The following NTM variants were observed in gnomAD, a reference collection of about 807,000 sequenced individuals.
NTM encodes neurotrimin.
Under a neutral mutation model 42.1 loss-of-function variants are expected in NTM, and 13 were observed. That is an observed-to-expected ratio of 0.31 (90% CI 0.20 to 0.49). The LOEUF (loss-of-function observed/expected upper bound fraction) is 0.49. Among genes scored for constraint, NTM ranks in the 20% least tolerant of loss-of-function variants. The pLI is 0.99. For missense variants in NTM, 373 were observed against 452.8 expected, an observed-to-expected ratio of 0.82 and a Z score of 1.60; for synonymous variants, 187 against 179.2, an observed-to-expected ratio of 1.04 and a Z score of -0.35.
intron 2 of NTM, among the ~76,000 whole-genome samples, chr11:132,040,240 C>T (rs1442214752): frequency 2.6e-5 from 4 of 152,154 alleles, no homozygotes; most frequent in African/African-American, 4.8e-5. Flanking sequence ...GGATTACAGA[C>T]GTGAGCCACT....
chr11:132,274,752 G>T (rs2139741367), intron 4 of NTM, among the ~76,000 whole-genome samples: 1 of 152,182 alleles, frequency 6.6e-6, no homozygotes, highest in Non-Finnish European at 1.5e-5. Flanking sequence ...TGAGAAGGAT[G>T]TTTATTGTGC....
intron 2 of NTM, among the ~76,000 whole-genome samples, chr11:132,107,099 A>G (rs190122322): frequency 2.0e-5 from 3 of 152,240 alleles, no homozygotes; most frequent in East Asian, 1.9e-4. Flanking sequence ...CAGGCACTGT[A>G]TTAGCCCTTG....
At chr11:131,863,714 C>T (rs1484373903) in intron 1 of NTM, among the ~76,000 whole-genome samples, 3 of 152,188 alleles carry the variant, frequency 2.0e-5, no homozygotes, top group African/African-American at 7.2e-5. Flanking sequence ...AGCACAGACT[C>T]AGGTCCCTCC....
At chr11:131,667,483 T>C (rs772374526) in intron 1 of NTM, among the ~76,000 whole-genome samples, 1 of 152,176 alleles carries the variant, frequency 6.6e-6, no homozygotes, top group Non-Finnish European at 1.5e-5. Flanking sequence ...TAAGCATTCA[T>C]TGGTGCTCTG....
At chr11:132,233,496 G>A (rs1301403982) in intron 4 of NTM, among the ~76,000 whole-genome samples, 2 of 152,148 alleles carry the variant, frequency 1.3e-5, no homozygotes, top group Non-Finnish European at 2.9e-5. Context: ...TAGCTTGTGG[G>A]CTCACAATGA....
intron 1 of NTM, among the ~76,000 whole-genome samples, chr11:131,877,279 G>T (rs1219928004): frequency 6.6e-6 from 1 of 152,154 alleles, no homozygotes; most frequent in Non-Finnish European, 1.5e-5. Flanking sequence ...GATCTGCATT[G>T]TTCAGTGCCA....
intron 1 of NTM, among the ~76,000 whole-genome samples, chr11:131,416,833 G>A (rs1947008971): frequency 6.6e-6 from 1 of 152,192 alleles, no homozygotes; most frequent in East Asian, 1.9e-4. Flanking sequence ...TGGGAGGAAT[G>A]TTAGCAGAGA....
At position 132,266,772 on chromosome 11, in the gene NTM, G is replaced by A. The variant is rs147917715; in HGVS notation, c.527-40917G>A. 2.9e-3 allele frequency among the ~76,000 whole-genome samples: 446 copies of A among 152,318 alleles called. 4 individuals are homozygous for A. The highest frequency in any genetic ancestry group is 5.8e-3 in the South Asian group (28 of 4,822). On this transcript the variant is annotated intron_variant, in intron 4 of 8. Transcript: ENST00000683400. The stretch of plus-strand genomic sequence containing the variant: ...TTTGGGTCTGGTGGAAGGAGTTTCA[G>A]AGAGGAAAAGCTGTGAATGTGTGTG...
intron 2 of NTM, among the ~76,000 whole-genome samples, chr11:132,043,024 C>G (rs1005391731): frequency 6.6e-6 from 1 of 152,064 alleles, no homozygotes; most frequent in Non-Finnish European, 1.5e-5. Context: ...TATGAAGAGG[C>G]CTTGATTAAA....
chr11:132,124,509 C>T (rs1014695288), intron 2 of NTM, among the ~76,000 whole-genome samples: 10 of 152,254 alleles, frequency 6.6e-5, no homozygotes, highest in Non-Finnish European at 1.2e-4. Flanking sequence ...TCTGCCTCCC[C>T]ATTTCTACCC....
chr11:131,515,309 A>G (rs912273375), intron 1 of NTM, among the ~76,000 whole-genome samples: 2 of 152,278 alleles, frequency 1.3e-5, no homozygotes, highest in East Asian at 1.9e-4. Flanking sequence ...GTGCTTGTCA[A>G]TTACCTAGAG....
At chr11:132,257,488 G>T (rs765904333) in intron 4 of NTM, among the ~76,000 whole-genome samples, 19 of 152,220 alleles carry the variant, frequency 1.2e-4, no homozygotes, top group Non-Finnish European at 2.6e-4. Context: ...ATCCCGGGAA[G>T]CTGGAGCGGG....
At chr11:131,484,937 C>T (rs1953999961) in intron 1 of NTM, among the ~76,000 whole-genome samples, 3 of 152,160 alleles carry the variant, frequency 2.0e-5, no homozygotes, top group Admixed American at 2.0e-4. Flanking sequence ...TTCCACCAAA[C>T]CCCTCCTTGC....
intron 1 of NTM, among the ~76,000 whole-genome samples, chr11:131,571,717 A>G (rs1286732017): frequency 6.6e-6 from 1 of 152,228 alleles, no homozygotes; most frequent in Non-Finnish European, 1.5e-5. Flanking sequence ...AAGACAAAAG[A>G]GATGTCGGAT....
At chr11:132,059,950 G>A (rs751892046) in intron 2 of NTM, among the ~76,000 whole-genome samples, 14 of 152,030 alleles carry the variant, frequency 9.2e-5, no homozygotes, top group Non-Finnish European at 2.1e-4. Flanking sequence ...CCTTTTGAGG[G>A]AGGTGCCTAT....
chr11:131,948,498 A>G (rs951857627), intron 2 of NTM, among the ~76,000 whole-genome samples: 1 of 152,214 alleles, frequency 6.6e-6, no homozygotes, highest in Non-Finnish European at 1.5e-5. Flanking sequence ...TCCTCTGGTG[A>G]TAGAGGCTTG....
intron 1 of NTM, among the ~76,000 whole-genome samples, chr11:131,892,822 G>A (rs1332861973): frequency 6.6e-6 from 1 of 152,198 alleles, no homozygotes; most frequent in East Asian, 1.9e-4. Context: ...ACTGTGAAGC[G>A]GGGCATCTCA....
intron 4 of NTM, among the ~76,000 whole-genome samples, chr11:132,278,669 AT>A (rs1180251052): frequency 6.6e-6 from 1 of 151,728 alleles, no homozygotes; most frequent in Non-Finnish European, 1.5e-5. Context: ...TGGAAAACAC[AT>A]TCTGTCTTAG....
intron 7 of NTM, chr11:132,317,566 C>A: frequency 1.4e-6 from 1 of 716,110 alleles, no homozygotes; most frequent in Non-Finnish European, 2.1e-6. Flanking sequence ...AGGCAGTATA[C>A]AAACTATATA....
Sources: gnomAD v4.1 joint callset for allele counts (sites outside exome capture counted in the v4.1 genomes callset) on GRCh38, gnomAD v4.1.1 for gene constraint, MANE v1.5 for transcripts, NCBI Gene and HGNC (gene_info 2026-07-23, HGNC 2026-07-21) for gene names.